The following ERC1 variants were observed in gnomAD, a reference collection of about 807,000 sequenced individuals.
ERC1 encodes the protein RAB6 interacting protein 2.
ERC1 carries 56 observed loss-of-function variants against 132.0 expected under a neutral mutation model. The ratio of observed to expected loss-of-function variants is 0.42; its 90% CI spans 0.34 to 0.53. The LOEUF is 0.53. Ranked by LOEUF, ERC1 falls within the 20% of genes least tolerant of loss-of-function variation. The pLI is 0.03. For synonymous variants in ERC1, 478 were observed against 476.1 expected, an observed-to-expected ratio of 1.00 and a Z score of -0.05; for missense variants, 1,202 against 1,349.9, an observed-to-expected ratio of 0.89 and a Z score of 1.72.
intron 12 of ERC1, among the ~76,000 whole-genome samples, chr12:1,230,961 A>G (rs2074985042): frequency 6.6e-6 from 1 of 152,200 alleles, no homozygotes; most frequent in Non-Finnish European, 1.5e-5. Flanking sequence ...CCTTACAGCT[A>G]AAGTGAGTCT....
At chr12:1,177,600 T>C (rs1191436263) in intron 8 of ERC1, among the ~76,000 whole-genome samples, 3 of 152,152 alleles carry the variant, frequency 2.0e-5, no homozygotes, top group African/African-American at 7.2e-5. Context: ...AAGTTCACCA[T>C]CTCATACGGG....
chr12:1,318,228 C>T (rs1214471825), intron 15 of ERC1, among the ~76,000 whole-genome samples: 1 of 152,098 alleles, frequency 6.6e-6, no homozygotes, highest in African/African-American at 2.4e-5. Flanking sequence ...GAAATCAGGG[C>T]AGCTGCATCA....
At chr12:1,117,893 G>A (rs899253296) in intron 7 of ERC1, among the ~76,000 whole-genome samples, 1 of 152,088 alleles carries the variant, frequency 6.6e-6, no homozygotes, top group Non-Finnish European at 1.5e-5. Flanking sequence ...TCTAGATAAT[G>A]TTACCTGCAA....
intron 5 of ERC1, 50 bp downstream of exon 5, chr12:1,110,397 T>G (rs767509292): frequency 1.3e-6 from 2 of 1,493,852 alleles, no homozygotes; most frequent in East Asian, 4.7e-5. Context: ...GAAAAATTGA[T>G]GCATATTTTT....
At chr12:1,034,662 C>G (rs1471617210) in intron 2 of ERC1, among the ~76,000 whole-genome samples, 2 of 151,968 alleles carry the variant, frequency 1.3e-5, no homozygotes, top group Admixed American at 1.3e-4. Context: ...GAAACTATGC[C>G]CCTCACTAAG....
intron 7 of ERC1, among the ~76,000 whole-genome samples, chr12:1,130,843 TC>T (rs1443654639): frequency 6.6e-6 from 1 of 152,160 alleles, no homozygotes; most frequent in Admixed American, 6.5e-5. Context: ...GCATTCAGCC[TC>T]CCATCTAGGT....
rs573750731 is a variant in ERC1, at chr12:1,456,685, C to G, written c.3213+11935C>G. 4.6e-5 allele frequency among the ~76,000 whole-genome samples: 7 copies of G among 151,232 alleles called. No individual in the cohort carries two copies. The South Asian group carries it at 1.5e-3, about 32-fold the overall frequency. On this transcript the variant is annotated intron_variant, in intron 18 of 18. Coordinates refer to ENST00000360905, the MANE Select transcript of ERC1 (RefSeq NM_178040.4). ...TTATAATATTGTTGTAATGTGAGGC[C>G]AAGGGGGAGCACACATCAGAAGATG...
chr12:1,317,244 G>A (rs1387079983), intron 15 of ERC1, among the ~76,000 whole-genome samples: 1 of 151,296 alleles, frequency 6.6e-6, no homozygotes, highest in Non-Finnish European at 1.5e-5. Context: ...ATGAGTTCAT[G>A]TCCTTTGCAG....
At chr12:1,154,354 TAC>T (rs35510985) in intron 8 of ERC1, among the ~76,000 whole-genome samples, 70,455 of 145,626 alleles carry the variant, frequency 0.48, 19,719 homozygotes, top group East Asian at 0.75. Context: ...TGTGTGTTTA[TAC>T]ACACACACAC....
At chr12:1,316,846 A>G (rs1247542908) in intron 15 of ERC1, among the ~76,000 whole-genome samples, 2 of 152,214 alleles carry the variant, frequency 1.3e-5, no homozygotes, top group Non-Finnish European at 2.9e-5. Context: ...ATGCCCATCA[A>G]TGATAGACTG....
chr12:1,159,851 A>G (rs958057207), intron 8 of ERC1, among the ~76,000 whole-genome samples: 1 of 152,180 alleles, frequency 6.6e-6, no homozygotes, highest in Non-Finnish European at 1.5e-5. Context: ...GAAACTCACT[A>G]ACGTTCAGTT....
chr12:1,194,903 C>G (rs1956073141), intron 12 of ERC1, among the ~76,000 whole-genome samples: 1 of 124,640 alleles, frequency 8.0e-6, no homozygotes, highest in Admixed American at 1.1e-4. Flanking sequence ...ACTATATTTC[C>G]TGATTTGAGG....
Position 1,304,391 on chromosome 12 carries a change from C to A in ERC1, c.2780+14379C>A, listed in dbSNP as rs151113555. Among the ~76,000 whole-genome samples, 963 of 152,310 alleles carry A rather than the reference C, an allele frequency of 6.3e-3. 7 individuals carry two copies. The highest frequency in any genetic ancestry group is 0.012 in the South Asian group (60 of 4,832). ...TCCCCCAACAGTAGACTTTTACTCACATCTGTTAGGCTAGACAGAGTCCCG... is the reference window on the plus strand; with the variant it reads ...TCCCCCAACAGTAGACTTTTACTCAAATCTGTTAGGCTAGACAGAGTCCCG... On this transcript the variant is annotated intron_variant, in intron 15 of 18. Transcript: ENST00000360905.
At chr12:992,745 T>C (rs1959860832) in intron 1 of ERC1, among the ~76,000 whole-genome samples, 1 of 152,268 alleles carries the variant, frequency 6.6e-6, no homozygotes, top group African/African-American at 2.4e-5. Flanking sequence ...TACAGTATTC[T>C]CTGGCCCTAC....
chr12:1,128,994 C>A (rs149435257), intron 7 of ERC1, among the ~76,000 whole-genome samples: 150 of 152,132 alleles, frequency 9.9e-4, no homozygotes, highest in African/African-American at 3.4e-3. Context: ...TAAATTGAGC[C>A]CAACTTATAT....
At position 1,289,873 on chromosome 12, in the gene ERC1, A is replaced by G. The variant is rs773476890; in HGVS notation, c.2641A>G (p.Met881Val). 3 of 1,613,792 alleles carry G rather than the reference A, an allele frequency of 1.9e-6. No individual in the cohort carries two copies. The highest frequency in any genetic ancestry group is 1.3e-5 in the African/African-American group (1 of 75,020). Residue 881 changes from methionine (M) to valine (V), a missense_variant, in exon 15 of 19, where the codon ATG (methionine) becomes GTG (valine). By Grantham distance (21) the Met-to-Val change is conservative. Transcript: ENST00000360905. Reference sequence around the variant, plus strand: ...ATAGGTGGAGGAGTTACTGATGGCCATGGAGAAGGTAAAGCAGGAACTAGA... The same window carrying G: ...ATAGGTGGAGGAGTTACTGATGGCCGTGGAGAAGGTAAAGCAGGAACTAGA... ...EKQVEELLMA[M>V]EKVKQELESM...
intron 17 of ERC1, among the ~76,000 whole-genome samples, chr12:1,414,063 C>T (rs929446745): frequency 2.6e-5 from 4 of 152,130 alleles, no homozygotes; most frequent in East Asian, 1.9e-4. Flanking sequence ...TTTGCGCTCC[C>T]GTGAGAATCT....
In ERC1 at chr12:1,104,753, A is replaced by G; in HGVS notation, c.1090A>G (p.Met364Val). The change falls in exon 4 of 19, where the codon ATG becomes GTG. Residue 364 changes from methionine (M) to valine (V), a missense_variant. By Grantham distance (21) the Met-to-Val change is conservative. Transcript: ENST00000360905. Reference sequence around the variant, plus strand: ...TCTTTCTGCCTCTTTTCTACAGGAGATGCATCGAAGGTTTGAGAATGCTCC... The same window carrying G: ...TCTTTCTGCCTCTTTTCTACAGGAGGTGCATCGAAGGTTTGAGAATGCTCC... ...EKENSMLREE[M>V]HRRFENAPDS... 1 of 1,610,444 alleles carries G rather than the reference A, an allele frequency of 6.2e-7. No homozygotes were observed. Among genetic ancestry groups the G allele is most frequent in the African/African-American group, 1.3e-5 (1 of 74,974 alleles).
At chr12:1,103,974 A>G (rs1469702437) in intron 3 of ERC1, among the ~76,000 whole-genome samples, 2 of 150,066 alleles carry the variant, frequency 1.3e-5, no homozygotes, top group African/African-American at 2.4e-5. Context: ...TGGATTCCCA[A>G]GAGCCTGTCC....
Sources: gnomAD v4.1 joint callset for allele counts (sites outside exome capture counted in the v4.1 genomes callset) on GRCh38, gnomAD v4.1.1 for gene constraint, MANE v1.5 for transcripts, NCBI Gene and HGNC (gene_info 2026-07-23, HGNC 2026-07-21) for gene names.